Variants in TMCO5A observed in about 807,000 individuals in gnomAD.
TMCO5A encodes the protein transmembrane and coiled-coil domain-containing protein 5A.
Under a neutral mutation model 42.3 loss-of-function variants are expected in TMCO5A, and 34 were observed. The ratio of observed to expected loss-of-function variants is 0.80; its 90% CI spans 0.61 to 1.07. The LOEUF is 1.07. Among genes scored for constraint, TMCO5A ranks in the 50% least tolerant of loss-of-function variants. The probability of loss-of-function intolerance (pLI) is 0.00; values close to 1 mark genes in which losing one functional copy is unlikely to be tolerated. For missense variants in TMCO5A, 357 were observed against 327.9 expected, an observed-to-expected ratio of 1.09 and a Z score of -0.69; for synonymous variants, 131 against 115.6, an observed-to-expected ratio of 1.13 and a Z score of -0.86.
At chr15:37,947,586 C>A (rs1439754285) in intron 10 of TMCO5A, 70 bp from the exon 11 acceptor site, 7 of 1,003,324 alleles carry the variant, frequency 7.0e-6, no homozygotes, top group Non-Finnish European at 1.1e-5. Context: ...TAATGGCTCA[C>A]TAAATATTAT....
the TMCO5A span, among the ~76,000 whole-genome samples, chr15:37,982,861 A>G: frequency 6.7e-6 from 1 of 150,374 alleles, no homozygotes; most frequent in Non-Finnish European, 1.5e-5. Flanking sequence ...ATTCATGGAG[A>G]CAAAGGCAAA....
chr15:37,991,913 C>T, the TMCO5A span, among the ~76,000 whole-genome samples: 3 of 152,006 alleles, frequency 2.0e-5, no homozygotes, highest in African/African-American at 7.2e-5. Flanking sequence ...CCCTGGAAAA[C>T]AATCTAGGCA....
In TMCO5A at chr15:37,938,180, T is replaced by A; in HGVS notation, c.338T>A (p.Ile113Lys). The A allele has an allele frequency of 6.3e-7, 1 of 1,581,370 alleles. No individual in the cohort carries two copies. ...QQKLTRKSQK[I>K]TNCEQSSPDG... ...TAGCTTACAAGGAAATCACAAAAGA[T>A]AACCAATTGTGAACAAAGCAGTCCA... The change falls in exon 6 of 12, where the codon ATA becomes AAA. Residue 113 changes from isoleucine to lysine, a missense_variant. By Grantham distance (102) the Ile-to-Lys change is moderately radical (BLOSUM62 -3). Coordinates refer to ENST00000319669, the MANE Select transcript of TMCO5A (RefSeq NM_152453.4).
At chr15:37,980,752 T>A in the TMCO5A span, among the ~76,000 whole-genome samples, 12 of 151,516 alleles carry the variant, frequency 7.9e-5, no homozygotes, top group African/African-American at 2.7e-4. Context: ...TGGCCAATGC[T>A]ACATCAAACT....
At chr15:37,987,821 A>G in the TMCO5A span, among the ~76,000 whole-genome samples, 1 of 151,942 alleles carries the variant, frequency 6.6e-6, no homozygotes, top group South Asian at 2.1e-4. Context: ...TTCTTTTTAA[A>G]TATTATTTTA....
chr15:37,958,301 G>A (rs1890341564), intron 11 of TMCO5A, among the ~76,000 whole-genome samples: 1 of 152,072 alleles, frequency 6.6e-6, no homozygotes, highest in Non-Finnish European at 1.5e-5. Flanking sequence ...GAGTGAACAG[G>A]CAACCTACAG....
chr15:37,939,690 T>C (rs1566914807), intron 6 of TMCO5A, among the ~76,000 whole-genome samples: 1 of 151,718 alleles, frequency 6.6e-6, no homozygotes, highest in East Asian at 1.9e-4. Context: ...TTTTAATGAA[T>C]TATCAGGTGA....
intron 11 of TMCO5A, among the ~76,000 whole-genome samples, chr15:37,958,075 A>T (rs1391621792): frequency 1.3e-5 from 2 of 152,216 alleles, no homozygotes; most frequent in African/African-American, 4.8e-5. Flanking sequence ...CTTACACCTT[A>T]TACAAAAATT....
the TMCO5A span, among the ~76,000 whole-genome samples, chr15:38,002,287 T>A: frequency 2.6e-5 from 4 of 152,110 alleles, no homozygotes; most frequent in African/African-American, 9.7e-5. Flanking sequence ...GGGAGCTTGA[T>A]TATTAAATGT....
intron 11 of TMCO5A, among the ~76,000 whole-genome samples, chr15:37,963,376 G>C (rs562031460): frequency 6.6e-5 from 10 of 152,070 alleles, no homozygotes; most frequent in African/African-American, 2.2e-4. Flanking sequence ...GTTCCTTTTG[G>C]TGTTGATTTC....
At chr15:37,963,401 T>A (rs1290986681) in intron 11 of TMCO5A, among the ~76,000 whole-genome samples, 1 of 152,188 alleles carries the variant, frequency 6.6e-6, no homozygotes, top group Non-Finnish European at 1.5e-5. Context: ...TTTATTCCAC[T>A]GTGGTCTGAG....
At chr15:37,958,450 C>A (rs562364114) in intron 11 of TMCO5A, among the ~76,000 whole-genome samples, 3 of 152,126 alleles carry the variant, frequency 2.0e-5, no homozygotes, top group African/African-American at 7.2e-5. Flanking sequence ...CAGACACTTT[C>A]CAAAAGAAGA....
downstream of TMCO5A, among the ~76,000 whole-genome samples, chr15:37,971,854 T>C (rs1009639891): frequency 3.9e-5 from 6 of 152,202 alleles, no homozygotes; most frequent in Non-Finnish European, 7.3e-5. Flanking sequence ...CTGGATTTCA[T>C]TGTTCATATC....
At chr15:37,940,627 C>G (rs377052946) in intron 6 of TMCO5A, among the ~76,000 whole-genome samples, 1 of 152,102 alleles carries the variant, frequency 6.6e-6, no homozygotes, top group African/African-American at 2.4e-5. Flanking sequence ...GCCAGCTCTG[C>G]AAGGGTGGAA....
chr15:37,972,627 G>A (rs1890696519), downstream of TMCO5A, among the ~76,000 whole-genome samples: 1 of 151,820 alleles, frequency 6.6e-6, no homozygotes, highest in African/African-American at 2.4e-5. Flanking sequence ...CGTTTTAATG[G>A]GGTTGTTTTT....
chr15:37,966,783 C>A (rs1428595396), exon 12 of TMCO5A: 2 of 687,172 alleles, frequency 2.9e-6, no homozygotes, highest in Non-Finnish European at 2.7e-6. Flanking sequence ...ATTGCCTACC[C>A]TGTCCCACAG....
In TMCO5A at chr15:37,936,829, T is replaced by C; in HGVS notation, c.141-18T>C. On this transcript the variant is annotated intron_variant, in intron 3 of 11. Transcript: ENST00000319669. ...CTGCCAAGCATGGGTCCTCATGGCA[T>C]GTGCTTGTGTTGTCCAGGCTGGAAA... 2 of 1,610,422 alleles carry C rather than the reference T, an allele frequency of 1.2e-6. No individual in the cohort carries two copies. Among genetic ancestry groups the C allele is most frequent in the Non-Finnish European group, 1.7e-6 (2 of 1,178,356 alleles).
the TMCO5A span, among the ~76,000 whole-genome samples, chr15:38,022,719 G>C: frequency 6.6e-6 from 1 of 152,180 alleles, no homozygotes; most frequent in South Asian, 2.1e-4. Context: ...ACTTTGGTGG[G>C]AGATGTTGAT....
chr15:37,981,533 C>T, the TMCO5A span, among the ~76,000 whole-genome samples: 1 of 152,166 alleles, frequency 6.6e-6, no homozygotes, highest in Non-Finnish European at 1.5e-5. Context: ...AAAAACCTTT[C>T]TAGCTGGGCA....
Sources: allele counts gnomAD v4.1 joint callset (sites outside exome capture counted in the v4.1 genomes callset), GRCh38; gene constraint gnomAD v4.1.1; transcripts MANE v1.5; gene names NCBI Gene and HGNC (gene_info 2026-07-23, HGNC 2026-07-21).